The following TRIM59 variants were observed in gnomAD, a reference collection of about 807,000 sequenced individuals.
TRIM59 encodes tripartite motif-containing protein 59.
Under a neutral mutation model 32.2 loss-of-function variants are expected in TRIM59, and 14 were observed. The ratio of observed to expected loss-of-function variants is 0.43; its 90% CI spans 0.29 to 0.68. TRIM59 has a LOEUF of 0.68. Among genes scored for constraint, TRIM59 ranks in the 30% least tolerant of loss-of-function variants. The pLI is 0.15. For synonymous variants in TRIM59, 163 were observed against 155.1 expected, an observed-to-expected ratio of 1.05 and a Z score of -0.38; for missense variants, 471 against 463.3, an observed-to-expected ratio of 1.02 and a Z score of -0.15.
rs1229456136 is a variant in TRIM59 at position 160,436,136 on chromosome 3, A to G, written c.*1836T>C. On this transcript the variant is annotated 3_prime_UTR_variant, in exon 3 of 3. Coordinates refer to ENST00000309784, the MANE Select transcript of TRIM59 (RefSeq NM_173084.3). ...CACACAATAGTTAATTGTGCTAGGT[A>G]TAAGTCTGATTCTAATAATAAATTG... 5.1e-5 allele frequency: 54 copies of G among 1,053,264 alleles called. No homozygotes were observed. The highest frequency in any genetic ancestry group is 1.4e-4 in the African/African-American group (8 of 58,710). The allele number at this position is 1,053,264 out of a possible 1,614,324, so 65.2% of individuals were successfully genotyped here. A position where few individuals can be genotyped will look rare whatever the true frequency, so the allele number is the denominator to read the frequency against.
chr3:160,436,412 A>C lies in TRIM59; in HGVS notation c.*1560T>G. ...TAGAGTTGCATGGACAGTGGGCCAAAAGTCGTAACACATGCATCATAACTC... is the reference window on the plus strand; with the variant it reads ...TAGAGTTGCATGGACAGTGGGCCAACAGTCGTAACACATGCATCATAACTC... On this transcript the variant is annotated 3_prime_UTR_variant, in exon 3 of 3. Transcript: ENST00000309784. The C allele has an allele frequency of 3.0e-6, 3 of 985,968 alleles. No individual in the cohort carries two copies. Among genetic ancestry groups the C allele is most frequent in the Non-Finnish European group, 3.6e-6 (3 of 830,008 alleles). 61.1% of individuals were successfully genotyped at this position (985,968 alleles called of 1,614,324 possible). A position where few individuals can be genotyped will look rare whatever the true frequency, so the allele number is the denominator to read the frequency against.
chr3:160,436,078 TACCTC>T lies in TRIM59; in HGVS notation c.*1889_*1893del, dbSNP rs573087967. On this transcript the variant is annotated 3_prime_UTR_variant, in exon 3 of 3. Transcript: ENST00000309784. ...CTCTAGCTGAGTATGTGTCTCTCCT[TACCTC>T]TACTATGCCCTTTAAATGTTCTTTG... The T allele has an allele frequency of 1.6e-4, 185 of 1,151,274 alleles. No individual in the cohort carries two copies. The South Asian group carries it at 3.1e-3, about 19-fold the overall frequency. 71.3% of individuals were successfully genotyped at this position (1,151,274 alleles called of 1,614,324 possible). A position where few individuals can be genotyped will look rare whatever the true frequency, so the allele number is the denominator to read the frequency against.
Position 160,435,735 on chromosome 3 carries a change from A to C in TRIM59, c.*2237T>G. Reference sequence around the variant, plus strand: ...AAATGTCAAATCTAAAATGATATATATACTTACGTTTTTAGCATTCTTACA... The same window carrying C: ...AAATGTCAAATCTAAAATGATATATCTACTTACGTTTTTAGCATTCTTACA... On this transcript the variant is annotated 3_prime_UTR_variant, in exon 3 of 3. Coordinates refer to ENST00000309784, the MANE Select transcript of TRIM59 (RefSeq NM_173084.3). 1 of 331,042 alleles carries C rather than the reference A, an allele frequency of 3.0e-6. No individual in the cohort carries two copies. The highest frequency in any genetic ancestry group is 5.9e-6 in the Non-Finnish European group (1 of 168,166). 20.5% of individuals were successfully genotyped at this position (331,042 alleles called of 1,614,324 possible).
Position 160,438,909 on chromosome 3 carries a change from G to T in TRIM59, c.275C>A (p.Pro92Gln). Residue 92 changes from proline (P) to glutamine (Q), a missense_variant, in exon 3 of 3, where the codon CCA becomes CAA. Coordinates refer to ENST00000309784, the MANE Select transcript of TRIM59 (RefSeq NM_173084.3). The stretch of plus-strand genomic sequence containing the variant: ...ATGTTCAGGGCAGGTGACAATATCT[G>T]GATGGTCTTCTTGCTGGTACTTTTC... ...IIEKYQQEDH[P>Q]DIVTCPEHYR... 1 of 1,614,024 alleles carries T rather than the reference G, an allele frequency of 6.2e-7. No individual in the cohort carries two copies.
intron 2 of TRIM59, among the ~76,000 whole-genome samples, chr3:160,440,281 G>A (rs1460029745): frequency 6.6e-6 from 1 of 152,140 alleles, no homozygotes; most frequent in Non-Finnish European, 1.5e-5. Context: ...ATTTTTAAGT[G>A]AAAAACTAGA....
Position 160,443,568 on chromosome 3 carries a change from G to A in TRIM59, c.-3-4382C>T, listed in dbSNP as rs575376039. Among the ~76,000 whole-genome samples the A allele has an allele frequency of 1.2e-4, 19 of 152,234 alleles. No individual in the cohort carries two copies. The South Asian group carries it at 2.1e-3, about 17-fold the overall frequency. On this transcript the variant is annotated intron_variant, in intron 2 of 2. Coordinates refer to ENST00000309784, the MANE Select transcript of TRIM59 (RefSeq NM_173084.3). The stretch of plus-strand genomic sequence containing the variant: ...CAAGAATGTTCGCCAGCATAATGGC[G>A]AAATGAAGTCCAGGACAACTGTGAA...
rs1408117569 is a variant in TRIM59, at chr3:160,441,247, G to T, written c.-3-2061C>A. On this transcript the variant is annotated intron_variant, in intron 2 of 2. Coordinates refer to ENST00000309784, the MANE Select transcript of TRIM59 (RefSeq NM_173084.3). Reference sequence around the variant, plus strand: ...CATTAGAATGTAGGCCTCCTATAAGGGCAGGAATTGTGTCTAAACAATGGT... The same window carrying T: ...CATTAGAATGTAGGCCTCCTATAAGTGCAGGAATTGTGTCTAAACAATGGT... Among the ~76,000 whole-genome samples the T allele has an allele frequency of 3.9e-5, 6 of 152,116 alleles. No individual in the cohort carries two copies. In the East Asian group the frequency reaches 9.7e-4, roughly 24 times the overall value.
rs1719071174 is a variant in TRIM59, at chr3:160,438,166, C to T, written c.1018G>A (p.Val340Ile). 2.5e-6 allele frequency: 4 copies of T among 1,612,166 alleles called. No homozygotes were observed. In the East Asian group the frequency reaches 8.9e-5, roughly 36 times the overall value. ...LNIVVVTLIS[V>I]ILMSILFFNQ... ...AAAAAGAGTATCGACATCAGTATTA[C>T]TGAAATTAATGTAACTACAACAATG... Residue 340 changes from valine to isoleucine, a missense_variant, in exon 3 of 3, where the codon GTA becomes ATA. Val to Ile is a conservative substitution (Grantham distance 29, BLOSUM62 3). Transcript: ENST00000309784.
Position 160,437,497 on chromosome 3 carries a change from C to T in TRIM59, c.*475G>A, listed in dbSNP as rs940807555. On this transcript the variant is annotated 3_prime_UTR_variant, in exon 3 of 3. Coordinates refer to ENST00000309784, the MANE Select transcript of TRIM59 (RefSeq NM_173084.3). ...TTGATCAAAAGATCTTTAAGCCATG[C>T]CTTATCACTTTAAGACTTTGTTGCT... The T allele has an allele frequency of 3.0e-6, 3 of 985,374 alleles. No homozygotes were observed. The highest frequency in any genetic ancestry group is 9.4e-5 in the South Asian group (2 of 21,288). 61.0% of individuals were successfully genotyped at this position (985,374 alleles called of 1,614,324 possible).
chr3:160,440,563 T>G (rs1336947172), intron 2 of TRIM59, among the ~76,000 whole-genome samples: 2 of 152,122 alleles, frequency 1.3e-5, no homozygotes, highest in Non-Finnish European at 2.9e-5. Flanking sequence ...TACCCCTTGA[T>G]AGAGAAAAAT....
chr3:160,440,359 G>GT (rs1435537001), intron 2 of TRIM59, among the ~76,000 whole-genome samples: 1 of 152,142 alleles, frequency 6.6e-6, no homozygotes, highest in Non-Finnish European at 1.5e-5. Flanking sequence ...CTCTCGATCC[G>GT]TATTTCTCTG....
At position 160,436,210 on chromosome 3, in the gene TRIM59, G is replaced by A; in HGVS notation, c.*1762C>T. The A allele has an allele frequency of 5.0e-6, 5 of 996,964 alleles. No individual in the cohort carries two copies. The highest frequency in any genetic ancestry group is 6.0e-6 in the Non-Finnish European group (5 of 836,846). 61.8% of individuals were successfully genotyped at this position (996,964 alleles called of 1,614,324 possible). A position where few individuals can be genotyped will look rare whatever the true frequency, so the allele number is the denominator to read the frequency against. On this transcript the variant is annotated 3_prime_UTR_variant, in exon 3 of 3. Coordinates refer to ENST00000309784, the MANE Select transcript of TRIM59 (RefSeq NM_173084.3). Reference sequence around the variant, plus strand: ...TAAGACTTATTCTCAGCAGGTAAGAGTTTTAGAACTAGTTCCCTGAAAAAG... The same window carrying A: ...TAAGACTTATTCTCAGCAGGTAAGAATTTTAGAACTAGTTCCCTGAAAAAG...
intron 1 of TRIM59, 154 bp downstream of exon 1, chr3:160,449,563 A>T: frequency 1.6e-6 from 2 of 1,286,880 alleles, no homozygotes; most frequent in Non-Finnish European, 2.0e-6. Context: ...AGTATGGGAC[A>T]AGAGGGAATG....
intron 2 of TRIM59, among the ~76,000 whole-genome samples, chr3:160,439,831 CAT>C (rs1719150311): frequency 1.3e-5 from 2 of 152,150 alleles, no homozygotes; most frequent in African/African-American, 4.8e-5. Flanking sequence ...TAATACACTA[CAT>C]AATAAAGACT....
At chr3:160,446,664 G>A (rs1209228789) in intron 2 of TRIM59, among the ~76,000 whole-genome samples, 1 of 152,150 alleles carries the variant, frequency 6.6e-6, no homozygotes, top group African/African-American at 2.4e-5. Flanking sequence ...ATCATTTAAT[G>A]CAGGGGTCCT....
intron 2 of TRIM59, among the ~76,000 whole-genome samples, chr3:160,444,992 T>C (rs1317187816): frequency 6.6e-6 from 1 of 151,724 alleles, no homozygotes. Context: ...AGAAATACTC[T>C]TCAGTAAAAT....
Position 160,437,613 on chromosome 3 carries a change from CTATA to C in TRIM59, c.*355_*358del, listed in dbSNP as rs545017942. ...AGGTATATGTTCTTTCAGGATTTTG[CTATA>C]TATATAAAGAACTGTAAAGCCAATT... On this transcript the variant is annotated 3_prime_UTR_variant, in exon 3 of 3. Coordinates refer to ENST00000309784, the MANE Select transcript of TRIM59 (RefSeq NM_173084.3). The C allele has an allele frequency of 1.0e-4, 103 of 990,130 alleles. No homozygotes were observed. The South Asian group carries it at 4.2e-3, about 41-fold the overall frequency. 61.3% of individuals were successfully genotyped at this position (990,130 alleles called of 1,614,324 possible).
Position 160,438,042 on chromosome 3 carries a change from T to TTA in TRIM59, c.1140_1141dup (p.Lys381IlefsTer3), listed in dbSNP as rs1375360082. 6.3e-7 allele frequency: 1 copy of TTA among 1,597,748 alleles called. No homozygotes were observed. Among genetic ancestry groups the TTA allele is most frequent in the South Asian group, 1.2e-5 (1 of 86,882 alleles). On this transcript the variant is annotated frameshift_variant, in exon 3 of 3. Coordinates refer to ENST00000309784, the MANE Select transcript of TRIM59 (RefSeq NM_173084.3). LOFTEE classifies it high-confidence loss of function. Reference sequence around the variant, plus strand: ...AATGTGACACAGTATATTCTTTACCTTATGCAGACTGTTAGATAAACTTTG... The same window carrying TTA: ...AATGTGACACAGTATATTCTTTACCTTATATGCAGACTGTTAGATAAACTTTG...
intron 2 of TRIM59, among the ~76,000 whole-genome samples, chr3:160,447,146 A>T (rs77957864): frequency 6.8e-6 from 1 of 146,718 alleles, no homozygotes; most frequent in East Asian, 2.0e-4. Flanking sequence ...TTTACACAAT[A>T]AAAAAAAAAC....
Sources: allele counts gnomAD v4.1 joint callset (sites outside exome capture counted in the v4.1 genomes callset), GRCh38; gene constraint gnomAD v4.1.1; transcripts MANE v1.5; gene names NCBI Gene and HGNC (gene_info 2026-07-23, HGNC 2026-07-21).